TRPC4: variants seen among roughly 807,000 people sequenced by gnomAD.
TRPC4 encodes the protein short transient receptor potential channel 4.
Under a neutral mutation model 99.4 loss-of-function variants are expected in TRPC4, and 49 were observed. The ratio of observed to expected loss-of-function variants is 0.49; its 90% CI spans 0.39 to 0.63. The LOEUF is 0.63. Ranked by LOEUF, TRPC4 falls within the 20% of genes least tolerant of loss-of-function variation. The probability of loss-of-function intolerance (pLI) is 0.00; values close to 1 mark genes in which losing one functional copy is unlikely to be tolerated. For missense variants in TRPC4, 898 were observed against 1,152.9 expected, an observed-to-expected ratio of 0.78 and a Z score of 3.20; for synonymous variants, 454 against 425.9, an observed-to-expected ratio of 1.07 and a Z score of -0.81.
intron 6 of TRPC4, among the ~76,000 whole-genome samples, chr13:37,662,649 G>A (rs7335781): frequency 0.36 from 55,077 of 151,760 alleles, 10,321 homozygotes; most frequent in African/African-American, 0.41. Flanking sequence ...GTCTTCAAAC[G>A]TGGTTACTGT....
At chr13:37,673,726 T>G (rs369607911) in intron 5 of TRPC4, among the ~76,000 whole-genome samples, 2 of 152,308 alleles carry the variant, frequency 1.3e-5, no homozygotes, top group East Asian at 3.9e-4. Flanking sequence ...GGCACTGTCA[T>G]GTTGAATGGG....
chr13:37,714,541 T>C (rs1001174548), intron 3 of TRPC4, among the ~76,000 whole-genome samples: 8 of 152,222 alleles, frequency 5.3e-5, no homozygotes, highest in South Asian at 2.1e-4. Context: ...CATAAAATCT[T>C]TTAAAAGCTG....
At chr13:37,657,327 A>T (rs1952272284) in intron 6 of TRPC4, among the ~76,000 whole-genome samples, 1 of 152,220 alleles carries the variant, frequency 6.6e-6, no homozygotes, top group Non-Finnish European at 1.5e-5. Flanking sequence ...ACAATAATAG[A>T]GAGAATTCAA....
At position 37,701,503 on chromosome 13, in the gene TRPC4, G is replaced by A. The variant is rs749686478; in HGVS notation, c.898-9168C>T. Among the ~76,000 whole-genome samples the A allele has an allele frequency of 5.3e-5, 8 of 151,734 alleles. 1 individual carries two copies. The South Asian group carries it at 1.3e-3, about 24-fold the overall frequency. On this transcript the variant is annotated intron_variant, in intron 3 of 10. Transcript: ENST00000379705. ...ATGAGGCATGTATCATTTCCTCTCC[G>A]TCATCATTGTCATTTCCAGCATTTC...
At chr13:37,695,007 T>G (rs962770324) in intron 3 of TRPC4, among the ~76,000 whole-genome samples, 2 of 152,096 alleles carry the variant, frequency 1.3e-5, no homozygotes, top group African/African-American at 4.8e-5. Flanking sequence ...AGATTTTCCA[T>G]GCAAAAATGG....
At chr13:37,849,810 T>A (rs1959009305) in intron 1 of TRPC4, among the ~76,000 whole-genome samples, 1 of 152,190 alleles carries the variant, frequency 6.6e-6, no homozygotes, top group African/African-American at 2.4e-5. Context: ...GTCATCGGTG[T>A]TGGGAAGATG....
chr13:37,759,712 A>C (rs1355460216), intron 2 of TRPC4, among the ~76,000 whole-genome samples: 2 of 151,974 alleles, frequency 1.3e-5, no homozygotes, highest in Non-Finnish European at 2.9e-5. Flanking sequence ...CAAGTTTGAA[A>C]AGCTATGGAG....
chr13:37,757,545 T>C (rs1956126759), intron 2 of TRPC4, among the ~76,000 whole-genome samples: 1 of 152,066 alleles, frequency 6.6e-6, no homozygotes, highest in East Asian at 1.9e-4. Flanking sequence ...GTATGATATT[T>C]GAAATTTTTA....
At chr13:37,726,554 T>C (rs1348488421) in intron 3 of TRPC4, among the ~76,000 whole-genome samples, 5 of 152,064 alleles carry the variant, frequency 3.3e-5, no homozygotes, top group Non-Finnish European at 4.4e-5. Flanking sequence ...AAGATAGTAA[T>C]GCAGGAAGTA....
chr13:37,664,893 T>C (rs1952584790), intron 5 of TRPC4, among the ~76,000 whole-genome samples: 1 of 152,162 alleles, frequency 6.6e-6, no homozygotes, highest in Non-Finnish European at 1.5e-5. Flanking sequence ...TATTATAGGC[T>C]CCTGATCTTA....
At chr13:37,827,846 C>T in intron 1 of TRPC4, among the ~76,000 whole-genome samples, 1 of 152,244 alleles carries the variant, frequency 6.6e-6, no homozygotes, top group Non-Finnish European at 1.5e-5. Context: ...CAAGCCTGGG[C>T]AATGGCGGGT....
At chr13:37,672,210 G>A (rs1952872365) in intron 5 of TRPC4, among the ~76,000 whole-genome samples, 1 of 152,136 alleles carries the variant, frequency 6.6e-6, no homozygotes, top group African/African-American at 2.4e-5. Context: ...ACGTACCAGA[G>A]TTCTTATATA....
intron 2 of TRPC4, among the ~76,000 whole-genome samples, chr13:37,780,883 T>C (rs1296456763): frequency 6.6e-6 from 1 of 152,080 alleles, no homozygotes; most frequent in Non-Finnish European, 1.5e-5. Context: ...AATTCTAGAA[T>C]GTACAAATAG....
chr13:37,792,126 G>T (rs1957137175), intron 1 of TRPC4, among the ~76,000 whole-genome samples: 1 of 152,096 alleles, frequency 6.6e-6, no homozygotes, highest in Non-Finnish European at 1.5e-5. Context: ...GAAACTAAGA[G>T]ACCATCTGCC....
chr13:37,699,730 G>T (rs1353708636), intron 3 of TRPC4, among the ~76,000 whole-genome samples: 1 of 152,202 alleles, frequency 6.6e-6, no homozygotes, highest in Non-Finnish European at 1.5e-5. Context: ...ATTCAAGGAA[G>T]AGCTAAATGC....
At chr13:37,718,409 T>C (rs1954751413) in intron 3 of TRPC4, among the ~76,000 whole-genome samples, 1 of 150,212 alleles carries the variant, frequency 6.7e-6, no homozygotes, top group Non-Finnish European at 1.5e-5. Flanking sequence ...AGCAGGAAAA[T>C]GTGATCCATT....
At chr13:37,817,518 G>T (rs1297284437) in intron 1 of TRPC4, among the ~76,000 whole-genome samples, 3 of 151,876 alleles carry the variant, frequency 2.0e-5, no homozygotes, top group African/African-American at 7.2e-5. Context: ...GTAGTAGAGA[G>T]AACTATTTTA....
At chr13:37,796,719 C>G (rs1408465153) in intron 1 of TRPC4, among the ~76,000 whole-genome samples, 1 of 151,774 alleles carries the variant, frequency 6.6e-6, no homozygotes, top group African/African-American at 2.4e-5. Flanking sequence ...GGACTTAGCC[C>G]TATTTGTCAC....
In TRPC4 at chr13:37,637,523, A is replaced by C. The variant is rs1406953638; in HGVS notation, c.2314T>G (p.Ser772Ala). Residue 772 changes from serine (S) to alanine (A), a missense_variant, in exon 11 of 11, where the codon TCA becomes GCA. Around this residue, in one of 3 missense-constraint regions of TRPC4, gnomAD observed 346 missense variants for 351.4 expected, o/e 0.98. Coordinates refer to ENST00000379705, the MANE Select transcript of TRPC4 (RefSeq NM_016179.4). Reference sequence around the variant, plus strand: ...TTTTCATCTGAGTCTGCCGAATTTGAAGACTCCTTCGAGGCATTCGCAGAT... The same window carrying C: ...TTTTCATCTGAGTCTGCCGAATTTGCAGACTCCTTCGAGGCATTCGCAGAT... ...IQSANASKES[S>A]NSADSDEKSD... The C allele has an allele frequency of 1.2e-6, 2 of 1,613,764 alleles. No homozygotes were observed. The highest frequency in any genetic ancestry group is 2.7e-5 in the African/African-American group (2 of 75,004).
Sources: gnomAD v4.1 joint callset for allele counts (sites outside exome capture counted in the v4.1 genomes callset) on GRCh38, gnomAD v4.1.1 for gene constraint, gnomAD v4.1.1 regional missense constraint, MANE v1.5 for transcripts, NCBI Gene and HGNC (gene_info 2026-07-23, HGNC 2026-07-21) for gene names.